FBXO41: variants seen among roughly 807,000 people sequenced by gnomAD.
FBXO41 encodes the protein F-box protein 41.
In FBXO41, 33 loss-of-function variants were observed where a neutral mutation model predicts 81.6. The ratio of observed to expected loss-of-function variants is 0.40; its 90% CI spans 0.31 to 0.54. The LOEUF is 0.54. Ranked by LOEUF, FBXO41 falls within the 20% of genes least tolerant of loss-of-function variation. FBXO41 has a pLI of 0.39. For synonymous variants in FBXO41, 576 were observed against 552.7 expected, an observed-to-expected ratio of 1.04 and a Z score of -0.59; for missense variants, 1,107 against 1,236.0, an observed-to-expected ratio of 0.90 and a Z score of 1.56.
chr2:73,259,409 G>T lies in FBXO41; in HGVS notation c.2450-113C>A, dbSNP rs529762909. On this transcript the variant is annotated intron_variant, in intron 11 of 12. Coordinates refer to ENST00000520530, the MANE Select transcript of FBXO41 (RefSeq NM_001371389.2). The surrounding 1 kb of genome is among the most constrained non-coding windows in gnomAD (Gnocchi z 4.2). Reference sequence around the variant, plus strand: ...ATCAGGTGCCAGCTACCGGGAACACGACAGAGGAGAGCAGACTCATGCCAC... The same window carrying T: ...ATCAGGTGCCAGCTACCGGGAACACTACAGAGGAGAGCAGACTCATGCCAC... The T allele has an allele frequency of 1.5e-5, 13 of 891,598 alleles. No individual in the cohort carries two copies. The African/African-American group carries it at 1.5e-4, about 10-fold the overall frequency. 55.2% of individuals were successfully genotyped at this position (891,598 alleles called of 1,614,324 possible). A position where few individuals can be genotyped will look rare whatever the true frequency, so the allele number is the denominator to read the frequency against.
In FBXO41 at chr2:73,269,427, G is replaced by C; in HGVS notation, c.204C>G (p.Pro68=). Residue 68 remains proline, a synonymous_variant, in exon 2 of 13, where the codon CCC becomes CCG. Coordinates refer to ENST00000520530, the MANE Select transcript of FBXO41 (RefSeq NM_001371389.2). The surrounding 1 kb of genome is among the most constrained non-coding windows in gnomAD (Gnocchi z 7.0). ...GCACGGCCAGCAGGGCGGCGGGCTC[G>C]GGAGCCAGCGGGAACCCCGAGGCAG... The part of the protein sequence containing the change: ...AAAASGFPLA[P]EPAALLAVPG... 1.5e-6 allele frequency: 2 copies of C among 1,353,242 alleles called. No individual in the cohort carries two copies. The highest frequency in any genetic ancestry group is 1.9e-6 in the Non-Finnish European group (2 of 1,057,710). The allele number at this position is 1,353,242 out of a possible 1,614,324, so 83.8% of individuals were successfully genotyped here.
In FBXO41 at chr2:73,265,333, G is replaced by A. The variant is rs770770558; in HGVS notation, c.1513C>T (p.Pro505Ser). The stretch of plus-strand genomic sequence containing the variant: ...CCAGCCATAGCAGGCCCGGGGCGGG[G>A]CGCATCCAACGGGCCCTCAGCCTCT... Reference protein sequence around the residue: ...ESEAEGPLDAPRPGPAMAGPL... With the variant: ...ESEAEGPLDASRPGPAMAGPL... Residue 505 changes from proline (P) to serine (S), a missense_variant, in exon 5 of 13, where the codon CCC becomes TCC. Physicochemically the swap from Pro to Ser is moderately conservative, Grantham distance 74. This residue lies in a region of FBXO41 where 771 missense variants were observed against 789.2 expected (regional missense o/e 0.98). Transcript: ENST00000520530. 3 of 1,611,508 alleles carry A rather than the reference G, an allele frequency of 1.9e-6. No individual in the cohort carries two copies. Among genetic ancestry groups the A allele is most frequent in the African/African-American group, 2.7e-5 (2 of 74,934 alleles).
intron 4 of FBXO41, 24 bp from the exon 5 acceptor site, chr2:73,265,664 T>C: frequency 6.7e-7 from 1 of 1,482,504 alleles, no homozygotes; most frequent in Non-Finnish European, 9.0e-7. Context: ...GACCACACAG[T>C]AAGGGGTAAG....
intron 2 of FBXO41, among the ~76,000 whole-genome samples, chr2:73,268,234 A>C (rs1688353731): frequency 6.6e-6 from 1 of 152,192 alleles, no homozygotes; most frequent in African/African-American, 2.4e-5. Context: ...CAAGAGAGAA[A>C]GTGAGGAAAG....
chr2:73,266,755 C>A lies in FBXO41; in HGVS notation c.906-73G>T. On this transcript the variant is annotated intron_variant, in intron 2 of 12. Coordinates refer to ENST00000520530, the MANE Select transcript of FBXO41 (RefSeq NM_001371389.2). The surrounding 1 kb of genome is among the most constrained non-coding windows in gnomAD (Gnocchi z 5.3). The stretch of plus-strand genomic sequence containing the variant: ...ACCCACCCTCTGGAGGAGAGCCTGG[C>A]CAGTGCGGGGAGACACTGGCACAGC... 2 of 1,467,168 alleles carry A rather than the reference C, an allele frequency of 1.4e-6. No individual in the cohort carries two copies. Among genetic ancestry groups the A allele is most frequent in the Non-Finnish European group, 1.8e-6 (2 of 1,113,882 alleles). The allele number at this position is 1,467,168 out of a possible 1,614,324, so 90.9% of individuals were successfully genotyped here.
In FBXO41 at chr2:73,260,337, G is replaced by T; in HGVS notation, c.2449+52C>A. 6.4e-7 allele frequency: 1 copy of T among 1,572,782 alleles called. No individual in the cohort carries two copies. On this transcript the variant is annotated intron_variant, in intron 11 of 12. Transcript: ENST00000520530. The surrounding 1 kb of genome is among the most constrained non-coding windows in gnomAD (Gnocchi z 5.0). ...GATAGTTAGGATACCTGCTGACAGGGCCCCGTGGCAGGTGATAGTCGTACC... is the reference window on the plus strand; with the variant it reads ...GATAGTTAGGATACCTGCTGACAGGTCCCCGTGGCAGGTGATAGTCGTACC...
rs534167655 is a variant in FBXO41 at position 73,258,587 on chromosome 2, G to C, written c.*395C>G. Reference sequence around the variant, plus strand: ...GAGCCCCCATTGGCTTGGGGCCCCAGATGCTCCTGACCAGGAGGCTGGGCC... The same window carrying C: ...GAGCCCCCATTGGCTTGGGGCCCCACATGCTCCTGACCAGGAGGCTGGGCC... On this transcript the variant is annotated 3_prime_UTR_variant, in exon 13 of 13. Transcript: ENST00000520530. The C allele has an allele frequency of 5.1e-6, 1 of 197,692 alleles. No homozygotes were observed. Among genetic ancestry groups the C allele is most frequent in the African/African-American group, 2.3e-5 (1 of 43,198 alleles). 12.2% of individuals were successfully genotyped at this position (197,692 alleles called of 1,614,324 possible). A position where few individuals can be genotyped will look rare whatever the true frequency, so the allele number is the denominator to read the frequency against.
At chr2:73,282,420 T>C (rs1688873620) in intron 1 of FBXO41, among the ~76,000 whole-genome samples, 1 of 152,186 alleles carries the variant, frequency 6.6e-6, no homozygotes, top group Non-Finnish European at 1.5e-5. Flanking sequence ...ATTACAAATA[T>C]TCCAAAACAA....
At chr2:73,273,553 T>G (rs948719052) in intron 1 of FBXO41, among the ~76,000 whole-genome samples, 2 of 152,146 alleles carry the variant, frequency 1.3e-5, no homozygotes, top group African/African-American at 4.8e-5. Context: ...AGAATCACAG[T>G]GGTCAGGTCA....
chr2:73,265,040 T>C (rs1688184295), intron 5 of FBXO41, among the ~76,000 whole-genome samples: 1 of 152,200 alleles, frequency 6.6e-6, no homozygotes, highest in South Asian at 2.1e-4. Context: ...CCTGTAAATG[T>C]TGATGAGCCT....
At position 73,260,419 on chromosome 2, in the gene FBXO41, C is replaced by T. The variant is rs200703280; in HGVS notation, c.2419G>A (p.Val807Ile). 1.2e-5 allele frequency: 19 copies of T among 1,612,090 alleles called. No homozygotes were observed. The highest frequency in any genetic ancestry group is 8.9e-5 in the East Asian group (4 of 44,824). The change falls in exon 11 of 13, where the codon GTC (valine) becomes ATC (isoleucine). Residue 807 changes from valine (V) to isoleucine (I), a missense_variant. Val to Ile is a conservative substitution (Grantham distance 29). Around this residue, in one of 2 missense-constraint regions of FBXO41, gnomAD observed 336 missense variants for 446.7 expected, o/e 0.75. Transcript: ENST00000520530. This position sits in a 1 kb window ranked among gnomAD's most constrained non-coding sequence, Gnocchi z 5.0. ...AAGTGCAGTAGGGCCTTAGGGGTGA[C>T]GGGAGTCGCCGTGAGCACCAGCATC... is the stretch of plus-strand genomic sequence containing the variant. Reference protein sequence around the residue: ...LEMLVLTATPVTPKALLHFNS... With the variant: ...LEMLVLTATPITPKALLHFNS...
At chr2:73,265,868 G>A in intron 4 of FBXO41, 25 bp downstream of exon 4, 3 of 1,568,074 alleles carry the variant, frequency 1.9e-6, no homozygotes, top group South Asian at 2.3e-5. Context: ...TGGGCTGCAT[G>A]GGGTGGGCTG....
intron 3 of FBXO41, 29 bp from the exon 4 acceptor site, chr2:73,265,995 G>A: frequency 1.3e-6 from 2 of 1,551,588 alleles, no homozygotes; most frequent in Non-Finnish European, 1.7e-6. Context: ...GGAGGTAAAG[G>A]AGAGGGGCGG....
chr2:73,281,160 T>TAGG (rs2103920072), intron 1 of FBXO41, among the ~76,000 whole-genome samples: 1 of 152,354 alleles, frequency 6.6e-6, no homozygotes, highest in East Asian at 1.9e-4. Flanking sequence ...AGGCCCATGT[T>TAGG]AGGCACTGGG....
Position 73,265,447 on chromosome 2 carries a change from T to C in FBXO41, c.1399A>G (p.Ile467Val). 6.2e-7 allele frequency: 1 copy of C among 1,607,086 alleles called. No individual in the cohort carries two copies. Among genetic ancestry groups the C allele is most frequent in the Non-Finnish European group, 8.5e-7 (1 of 1,179,446 alleles). ...CGGGGTCTGCGCTGCCAGTTCTGGA[T>C]GGCCTGGCGCCGCAGGCCTGAGCTG... ...PRSSGLRRQA[I>V]QNWQRRPRRH... The change falls in exon 5 of 13, where the codon ATC becomes GTC. Residue 467 changes from isoleucine (I) to valine (V), a missense_variant. Transcript: ENST00000520530.
rs561091528 is a variant in FBXO41, at chr2:73,256,062, C to T, written c.*2920G>A. On this transcript the variant is annotated 3_prime_UTR_variant, in exon 13 of 13. Coordinates refer to ENST00000520530, the MANE Select transcript of FBXO41 (RefSeq NM_001371389.2). ...GAAGTACTTAAGCCAAGTACACCAA[C>T]CTCCCAGGTAGGTACTGGGGCCAGA... is the stretch of plus-strand genomic sequence containing the variant. 8 of 152,330 alleles carry T rather than the reference C, an allele frequency of 5.3e-5. No individual in the cohort carries two copies. Among genetic ancestry groups the T allele is most frequent in the Admixed American group, 2.6e-4 (4 of 15,296 alleles). The allele number at this position is 152,330 out of a possible 1,614,324, so 9.4% of individuals were successfully genotyped here.
Position 73,284,244 on chromosome 2 carries a change from G to A in FBXO41, c.-223C>T, listed in dbSNP as rs1425596220. On this transcript the variant is annotated 5_prime_UTR_variant, in exon 1 of 13. Transcript: ENST00000520530. This position sits in a 1 kb window ranked among gnomAD's most constrained non-coding sequence, Gnocchi z 7.4. The stretch of plus-strand genomic sequence containing the variant: ...CCCCGCGTGCCCGGTCCAGACGCAG[G>A]GCCGCCTTGGGGCCTCGGATCTCGT... 6.6e-6 allele frequency: 1 copy of A among 152,152 alleles called. No individual in the cohort carries two copies. Among genetic ancestry groups the A allele is most frequent in the Non-Finnish European group, 1.5e-5 (1 of 68,054 alleles). The allele number at this position is 152,152 out of a possible 1,614,324, so 9.4% of individuals were successfully genotyped here.
At chr2:73,262,306 A>C (rs1042500089) in intron 9 of FBXO41, among the ~76,000 whole-genome samples, 6 of 152,122 alleles carry the variant, frequency 3.9e-5, no homozygotes, top group Non-Finnish European at 7.4e-5. Context: ...GGATTGAGGC[A>C]GGGGAGCAGT....
rs1010062038 is a variant in FBXO41 at position 73,275,588 on chromosome 2, TAG to T, written c.-138-5822_-138-5821del. On this transcript the variant is annotated intron_variant, in intron 1 of 12. Coordinates refer to ENST00000520530, the MANE Select transcript of FBXO41 (RefSeq NM_001371389.2). ...AGACATTTTCACACATGTTCAAAAA[TAG>T]AGAGAGTATTATGATGAACTCCTAG... 2.6e-5 allele frequency among the ~76,000 whole-genome samples: 4 copies of T among 152,318 alleles called. No homozygotes were observed. In the East Asian group the frequency reaches 5.8e-4, roughly 22 times the overall value.
Sources: gnomAD v4.1 joint callset for allele counts (sites outside exome capture counted in the v4.1 genomes callset) on GRCh38, gnomAD v4.1.1 for gene constraint, gnomAD v4.1.1 regional missense constraint, Gnocchi (gnomAD v3.1) non-coding constraint, MANE v1.5 for transcripts, NCBI Gene and HGNC (gene_info 2026-07-23, HGNC 2026-07-21) for gene names.